Variants in INVS observed in about 807,000 individuals in gnomAD.
INVS encodes the protein inversion of embryo turning homolog.
INVS carries 86 observed loss-of-function variants against 108.8 expected under a neutral mutation model. That is an observed-to-expected ratio of 0.79 (90% CI 0.66 to 0.95). INVS has a LOEUF of 0.95. Among genes scored for constraint, INVS ranks in the 40% least tolerant of loss-of-function variants. The pLI, the probability that INVS is intolerant of heterozygous loss-of-function variation, is 0.00. For synonymous variants in INVS, 455 were observed against 473.5 expected (o/e 0.96, Z 0.51); for missense variants, 1,169 against 1,297.4 (o/e 0.90, Z 1.52).
chr9:100,190,130 ACTTT>A (rs1290333714), intron 3 of INVS, among the ~76,000 whole-genome samples: 9 of 152,122 alleles, frequency 5.9e-5, no homozygotes, highest in Non-Finnish European at 1.2e-4. Context: ...CTATATAATG[ACTTT>A]CTTTGTCTTT....
At chr9:100,297,273 TTG>T (rs1833818033) in intron 15 of INVS, 127 bp downstream of exon 15, 1 of 801,690 alleles carries the variant, frequency 1.2e-6, no homozygotes, top group Admixed American at 2.0e-5. Context: ...GCAAAATTAA[TTG>T]TATTATTAAA....
chr9:100,115,070 TA>T (rs952483227), intron 2 of INVS, among the ~76,000 whole-genome samples: 12 of 152,202 alleles, frequency 7.9e-5, no homozygotes, highest in African/African-American at 2.7e-4. Flanking sequence ...TTAATAGTTC[TA>T]CAACTAGGTT....
chr9:100,181,792 G>C (rs1588068680), intron 3 of INVS, among the ~76,000 whole-genome samples: 1 of 152,054 alleles, frequency 6.6e-6, no homozygotes, highest in Admixed American at 6.6e-5. Flanking sequence ...AACCAAAAAA[G>C]AGCCCATATA....
At chr9:100,150,094 AG>A (rs995052431) in intron 3 of INVS, among the ~76,000 whole-genome samples, 2 of 152,170 alleles carry the variant, frequency 1.3e-5, no homozygotes, top group African/African-American at 4.8e-5. Context: ...GAAGTACTGA[AG>A]GGTTTCTTTC....
intron 2 of INVS, among the ~76,000 whole-genome samples, chr9:100,125,459 T>C (rs1827853141): frequency 6.6e-6 from 1 of 152,102 alleles, no homozygotes; most frequent in Non-Finnish European, 1.5e-5. Context: ...TAGCCCATAA[T>C]GGGAGGCAAA....
intron 3 of INVS, chr9:100,132,011 C>A (rs1303510257): frequency 2.6e-6 from 1 of 391,628 alleles, no homozygotes; most frequent in Non-Finnish European, 3.5e-6. Context: ...AACAAACAAT[C>A]CACGCCCCAG....
chr9:100,185,474 T>G (rs146834638), intron 3 of INVS, among the ~76,000 whole-genome samples: 4,998 of 145,888 alleles, frequency 0.034, 153 homozygotes, highest in Non-Finnish European at 0.048. Context: ...ATTTTTTTTT[T>G]GCTGTCTACA....
At chr9:100,108,808 G>T (rs1029536885) in intron 2 of INVS, among the ~76,000 whole-genome samples, 2 of 152,162 alleles carry the variant, frequency 1.3e-5, no homozygotes, top group African/African-American at 4.8e-5. Flanking sequence ...TTTCTGTGCT[G>T]CCCATTGTCC....
Position 100,272,958 on chromosome 9 carries a change from G to A in INVS, c.1666G>A (p.Asp556Asn). The A allele has an allele frequency of 6.2e-7, 1 of 1,614,128 alleles. No homozygotes were observed. The highest frequency in any genetic ancestry group is 8.5e-7 in the Non-Finnish European group (1 of 1,180,022). ...TGCCCTGTCCATCGCAGCCATACAA[G>A]ACATCGCCGCCTTCAAAATCCAAGC... ...HGALSIAAIQ[D>N]IAAFKIQAVY... Residue 556 changes from aspartate (D) to asparagine (N), a missense_variant, in exon 12 of 17, where the codon GAC (aspartate) becomes AAC (asparagine). Around this residue, in one of 3 missense-constraint regions of INVS, gnomAD observed 271 missense variants for 363.8 expected, o/e 0.74. Transcript: ENST00000262457.
intron 3 of INVS, among the ~76,000 whole-genome samples, chr9:100,171,923 A>G (rs1028802767): frequency 2.8e-4 from 42 of 152,158 alleles, no homozygotes; most frequent in African/African-American, 9.7e-4. Context: ...GGCAAGTTTT[A>G]AGTTTAAATA....
chr9:100,108,685 A>G (rs1392998078), intron 2 of INVS, among the ~76,000 whole-genome samples: 1 of 152,178 alleles, frequency 6.6e-6, no homozygotes, highest in Middle Eastern at 3.4e-3. Context: ...TCACTTTAGC[A>G]TTTTCTGTTT....
chr9:100,148,132 C>T (rs1828684676), intron 3 of INVS, among the ~76,000 whole-genome samples: 1 of 151,916 alleles, frequency 6.6e-6, no homozygotes, highest in Admixed American at 6.6e-5. Flanking sequence ...TATGATTGTG[C>T]CACTACCCTC....
chr9:100,297,171 T>C, intron 15 of INVS, 25 bp downstream of exon 15: 1 of 1,581,514 alleles, frequency 6.3e-7, no homozygotes. Context: ...GCCTACTTTG[T>C]AGTTCACAAG....
intron 3 of INVS, among the ~76,000 whole-genome samples, chr9:100,157,332 T>G (rs1270797184): frequency 1.3e-5 from 2 of 149,704 alleles, no homozygotes; most frequent in Non-Finnish European, 3.0e-5. Context: ...TGGCACAATC[T>G]CGGCTCACTG....
intron 12 of INVS, among the ~76,000 whole-genome samples, chr9:100,274,899 A>AG (rs1208256171): frequency 1.3e-5 from 2 of 152,210 alleles, no homozygotes; most frequent in African/African-American, 4.8e-5. Context: ...CTTACCCACA[A>AG]GGGGGAAGCA....
At chr9:100,108,060 G>C (rs142334949) in intron 2 of INVS, among the ~76,000 whole-genome samples, 3 of 152,058 alleles carry the variant, frequency 2.0e-5, no homozygotes, top group African/African-American at 7.2e-5. Flanking sequence ...AAGTCAGGAC[G>C]TATGAAGAAA....
chr9:100,232,072 A>G (rs1212521887), intron 5 of INVS, among the ~76,000 whole-genome samples: 1 of 151,890 alleles, frequency 6.6e-6, no homozygotes, highest in Non-Finnish European at 1.5e-5. Context: ...GTGGTATCTC[A>G]TTGTGGTTTT....
At chr9:100,269,616 A>T (rs1832890601) in intron 11 of INVS, among the ~76,000 whole-genome samples, 1 of 152,176 alleles carries the variant, frequency 6.6e-6, no homozygotes, top group African/African-American at 2.4e-5. Context: ...ACTGTTAGGT[A>T]AGTTTTGAAG....
intron 6 of INVS, among the ~76,000 whole-genome samples, chr9:100,241,152 T>C (rs1305909338): frequency 6.6e-6 from 1 of 152,152 alleles, no homozygotes; most frequent in African/African-American, 2.4e-5. Flanking sequence ...TTATCTTTTT[T>C]TTAAATGATG....
Sources: gnomAD v4.1 joint callset for allele counts (sites outside exome capture counted in the v4.1 genomes callset) on GRCh38, gnomAD v4.1.1 for gene constraint, gnomAD v4.1.1 regional missense constraint, MANE v1.5 for transcripts, NCBI Gene and HGNC (gene_info 2026-07-23, HGNC 2026-07-21) for gene names.